Variants in KIF5C observed in about 807,000 individuals in gnomAD.
KIF5C encodes kinesin heavy chain isoform 5C.
A neutral mutation model predicts 125.2 loss-of-function variants in KIF5C; 18 were observed. The ratio of observed to expected loss-of-function variants is 0.14; its 90% CI spans 0.10 to 0.21. KIF5C has a LOEUF of 0.21. KIF5C is among the 10% of genes least tolerant of loss of function. KIF5C has a pLI of 1.00. For missense variants in KIF5C, 780 were observed against 1,183.8 expected, an observed-to-expected ratio of 0.66 and a Z score of 5.01; for synonymous variants, 405 against 434.0, an observed-to-expected ratio of 0.93 and a Z score of 0.83.
intron 24 of KIF5C, 109 bp downstream of exon 24, chr2:149,010,460 G>A: frequency 6.9e-7 from 1 of 1,447,596 alleles, no homozygotes; most frequent in Non-Finnish European, 9.1e-7. Context: ...ACATCTGAAA[G>A]GCTGGGTTGG....
intron 1 of KIF5C, among the ~76,000 whole-genome samples, chr2:148,914,651 T>C (rs1292713300): frequency 6.6e-6 from 1 of 152,276 alleles, no homozygotes; most frequent in African/African-American, 2.4e-5. Flanking sequence ...CAGTGGCTGC[T>C]TTGTGGACAT....
intron 1 of KIF5C, among the ~76,000 whole-genome samples, chr2:148,895,504 C>T (rs1051032204): frequency 1.3e-5 from 2 of 148,776 alleles, no homozygotes; most frequent in Admixed American, 1.3e-4. Context: ...AGATTGTTTA[C>T]TTTTTTTTTT....
At chr2:148,879,571 A>T (rs1681290749) in intron 1 of KIF5C, 1 of 152,172 alleles carries the variant, frequency 6.6e-6, no homozygotes, top group Non-Finnish European at 1.5e-5. Flanking sequence ...GTAAGTGATT[A>T]GAAAAGAGGC....
intron 7 of KIF5C, 83 bp from the exon 8 acceptor site, chr2:148,946,816 G>T: frequency 6.4e-7 from 1 of 1,569,132 alleles, no homozygotes; most frequent in South Asian, 1.2e-5. Context: ...TATTAGGCAT[G>T]ACTTGTTATG....
chr2:148,944,618 A>G (rs558525815), intron 7 of KIF5C, among the ~76,000 whole-genome samples: 127 of 152,338 alleles, frequency 8.3e-4, no homozygotes, highest in Non-Finnish European at 1.5e-3. Flanking sequence ...GCAAACATCT[A>G]TTTGAGTCCT....
chr2:148,913,745 A>G (rs556620996), intron 1 of KIF5C, among the ~76,000 whole-genome samples: 1 of 152,352 alleles, frequency 6.6e-6, no homozygotes, highest in Non-Finnish European at 1.5e-5. Flanking sequence ...AAGCCCCACC[A>G]GGGCGGTGTA....
At chr2:148,916,949 A>C (rs1266510360) in intron 1 of KIF5C, among the ~76,000 whole-genome samples, 1 of 152,150 alleles carries the variant, frequency 6.6e-6, no homozygotes, top group Non-Finnish European at 1.5e-5. Context: ...TTTATAAAAC[A>C]TGCTGATGGG....
chr2:148,932,408 C>T (rs1426262992), intron 3 of KIF5C, among the ~76,000 whole-genome samples: 1 of 152,156 alleles, frequency 6.6e-6, no homozygotes, highest in East Asian at 1.9e-4. Flanking sequence ...ATTAGCTTCT[C>T]AAGATGGAGC....
chr2:149,006,769 C>T (rs1682022003), intron 22 of KIF5C, among the ~76,000 whole-genome samples: 1 of 152,156 alleles, frequency 6.6e-6, no homozygotes, highest in Admixed American at 6.5e-5. Flanking sequence ...ACCATGGGGG[C>T]CTGGCCCTGG....
chr2:148,977,269 T>A (rs181097348), intron 12 of KIF5C, among the ~76,000 whole-genome samples: 22 of 152,312 alleles, frequency 1.4e-4, no homozygotes, highest in Admixed American at 1.4e-3. Context: ...CAGCTTGTCA[T>A]CTGTTGGGAG....
chr2:148,991,854 T>C (rs1681535604), intron 16 of KIF5C, among the ~76,000 whole-genome samples: 3 of 152,226 alleles, frequency 2.0e-5, no homozygotes, highest in Admixed American at 1.3e-4. Flanking sequence ...ACTTGCCTAT[T>C]GAGTAAGGCT....
chr2:148,994,577 C>T, intron 17 of KIF5C, 39 bp downstream of exon 17: 1 of 1,543,876 alleles, frequency 6.5e-7, no homozygotes, highest in Non-Finnish European at 8.8e-7. Context: ...AAACACCTGG[C>T]CTGAGTCAGA....
chr2:148,886,811 C>T (rs1181762286), intron 1 of KIF5C, among the ~76,000 whole-genome samples: 1 of 152,176 alleles, frequency 6.6e-6, no homozygotes, highest in Admixed American at 6.5e-5. Flanking sequence ...GGAGAAAAAA[C>T]ACCCAGACTC....
At chr2:149,014,619 T>G (rs1255581334) in intron 25 of KIF5C, among the ~76,000 whole-genome samples, 2 of 152,186 alleles carry the variant, frequency 1.3e-5, no homozygotes, top group Non-Finnish European at 2.9e-5. Context: ...GGGAAAATCT[T>G]TTATGTTGGT....
At chr2:148,897,094 A>G (rs1680702447) in intron 1 of KIF5C, among the ~76,000 whole-genome samples, 1 of 152,276 alleles carries the variant, frequency 6.6e-6, no homozygotes, top group South Asian at 2.1e-4. Context: ...TGGCCTCCCA[A>G]AGTGCTAGGA....
At chr2:148,888,953 A>C (rs1681632105) in intron 1 of KIF5C, 1 of 152,024 alleles carries the variant, frequency 6.6e-6, no homozygotes, top group Non-Finnish European at 1.5e-5. Flanking sequence ...CAGTTCGCTA[A>C]CCCATCTCAT....
intron 22 of KIF5C, among the ~76,000 whole-genome samples, chr2:149,007,594 G>A (rs1040731391): frequency 6.6e-6 from 1 of 152,146 alleles, no homozygotes; most frequent in Non-Finnish European, 1.5e-5. Context: ...TAGGTCCTGG[G>A]TTTATGTTTT....
At chr2:149,016,006 TTTAAG>T (rs1159553016) in intron 25 of KIF5C, among the ~76,000 whole-genome samples, 1 of 152,116 alleles carries the variant, frequency 6.6e-6, no homozygotes, top group Non-Finnish European at 1.5e-5. Context: ...GGGGGTGACA[TTTAAG>T]TTGAGAACTG....
chr2:149,018,634 G>A (rs1293661572), intron 25 of KIF5C, among the ~76,000 whole-genome samples: 1 of 152,132 alleles, frequency 6.6e-6, no homozygotes, highest in South Asian at 2.1e-4. Context: ...TTTGAAACCA[G>A]CCTTAGCGAG....
Sources: gnomAD v4.1 joint callset for allele counts (sites outside exome capture counted in the v4.1 genomes callset) on GRCh38, gnomAD v4.1.1 for gene constraint, MANE v1.5 for transcripts, NCBI Gene and HGNC (gene_info 2026-07-23, HGNC 2026-07-21) for gene names.